Variants in OR10D3 observed in about 807,000 individuals in gnomAD.
OR10D3 encodes olfactory receptor 10D3.
For synonymous variants in OR10D3, 100 were observed against 57.6 expected (o/e 1.74, Z -3.33); for missense variants, 286 against 153.7 (o/e 1.86, Z -4.55).
At chr11:124,187,717 A>G (rs1462413542) in exon 2 of OR10D3, 1 of 152,174 alleles carries the variant, frequency 6.6e-6, no homozygotes, top group Non-Finnish European at 1.5e-5. Flanking sequence ...TGTCAAGTAT[A>G]TAATTGTCTT....
exon 2 of OR10D3, chr11:124,187,480 C>T (rs910322097): frequency 9.2e-5 from 14 of 152,148 alleles, no homozygotes; most frequent in African/African-American, 2.9e-4. Context: ...TTCCTGGATT[C>T]GTTGTATTAA....
At chr11:124,187,332 C>T (rs1387972700) in exon 2 of OR10D3, 2 of 152,176 alleles carry the variant, frequency 1.3e-5, no homozygotes, top group Non-Finnish European at 2.9e-5. Context: ...TTTATACTTA[C>T]ATTTGGCCTC....
chr11:124,187,699 C>T (rs1861240950), exon 2 of OR10D3: 1 of 152,184 alleles, frequency 6.6e-6, no homozygotes, highest in Admixed American at 6.5e-5. Flanking sequence ...TCTCTGTATC[C>T]TTGGAACTGT....
At chr11:124,186,114 T>G in exon 2 of OR10D3, 2 of 703,126 alleles carry the variant, frequency 2.8e-6, no homozygotes, top group Non-Finnish European at 5.2e-6. Context: ...GTAGGACCAA[T>G]GCTGAACCCT....
intron 1 of OR10D3, 173 bp from the exon 2 acceptor site, chr11:124,185,086 C>T (rs892675862): frequency 4.6e-5 from 26 of 567,668 alleles, no homozygotes; most frequent in Non-Finnish European, 6.9e-5. Context: ...TTGGCTATGG[C>T]GGTTACATTC....
intron 1 of OR10D3, chr11:124,184,360 T>A (rs1861195711): frequency 6.6e-6 from 1 of 152,188 alleles, no homozygotes; most frequent in Non-Finnish European, 1.5e-5. Context: ...AGTATAATCG[T>A]AAACACAAAA....
chr11:124,188,637 TCTCAAAGG>T (rs1431429358), exon 2 of OR10D3: 1 of 152,180 alleles, frequency 6.6e-6, no homozygotes, highest in Non-Finnish European at 1.5e-5. Flanking sequence ...CATAGAGACA[TCTCAAAGG>T]CTCTGTTATT....
exon 2 of OR10D3, chr11:124,187,411 G>A (rs369988790): frequency 6.6e-6 from 1 of 152,158 alleles, no homozygotes; most frequent in Non-Finnish European, 1.5e-5. Context: ...CTACACAGAA[G>A]CTTTGTGGAG....
At chr11:124,183,635 G>A (rs1861188879) in intron 1 of OR10D3, among the ~76,000 whole-genome samples, 1 of 137,156 alleles carries the variant, frequency 7.3e-6, no homozygotes, top group African/African-American at 2.7e-5. Flanking sequence ...TCAGCTCACT[G>A]CAACCTCCAC....
exon 2 of OR10D3, chr11:124,185,815 A>G (rs1425633309): frequency 7.1e-6 from 5 of 703,576 alleles, no homozygotes; most frequent in African/African-American, 7.0e-5. Context: ...GTGACATTCC[A>G]GCACTGTTGC....
chr11:124,186,293 A>G, exon 2 of OR10D3: 1 of 615,138 alleles, frequency 1.6e-6, no homozygotes, highest in Non-Finnish European at 2.9e-6. Context: ...CATATGTGAC[A>G]ATGACTTGGA....
At chr11:124,188,664 G>GA (rs1366078382) in exon 2 of OR10D3, 1 of 152,134 alleles carries the variant, frequency 6.6e-6, no homozygotes. Context: ...TTGGCCAAGG[G>GA]AAAATCTAAC....
intron 1 of OR10D3, among the ~76,000 whole-genome samples, chr11:124,184,069 T>C (rs1250788618): frequency 6.6e-6 from 1 of 152,218 alleles, no homozygotes; most frequent in Non-Finnish European, 1.5e-5. Flanking sequence ...GCACTTGTCT[T>C]GGGTCTGATT....
exon 2 of OR10D3, chr11:124,185,636 T>C (rs1425623884): frequency 2.8e-6 from 2 of 703,518 alleles, no homozygotes; most frequent in African/African-American, 1.7e-5. Flanking sequence ...CTATGACCGC[T>C]TCACTGCCAT....
exon 2 of OR10D3, chr11:124,187,734 C>G (rs1861242433): frequency 6.6e-6 from 1 of 152,168 alleles, no homozygotes; most frequent in Non-Finnish European, 1.5e-5. Context: ...TCTTAGTAGC[C>G]TCTTCACTCA....
At chr11:124,186,139 G>A (rs763293327) in exon 2 of OR10D3, 4 of 702,866 alleles carry the variant, frequency 5.7e-6, no homozygotes, top group Non-Finnish European at 1.0e-5. Context: ...TCTATACCTT[G>A]AGGAATAAGG....
chr11:124,184,716 A>AGG (rs1861199681), intron 1 of OR10D3, among the ~76,000 whole-genome samples: 1 of 152,232 alleles, frequency 6.6e-6, no homozygotes, highest in Non-Finnish European at 1.5e-5. Context: ...CTCCTCAAAA[A>AGG]GTGACTGCCA....
chr11:124,184,027 G>A (rs1413931312), intron 1 of OR10D3, among the ~76,000 whole-genome samples: 1 of 152,148 alleles, frequency 6.6e-6, no homozygotes, highest in Non-Finnish European at 1.5e-5. Flanking sequence ...TGACAGCCAG[G>A]ACATTTTTGG....
exon 2 of OR10D3, chr11:124,186,125 T>C (rs764314848): frequency 1.4e-6 from 1 of 703,048 alleles, no homozygotes; most frequent in South Asian, 1.5e-5. Flanking sequence ...GCTGAACCCT[T>C]TGATCTATAC....
Sources: gnomAD v4.1 joint callset for allele counts (sites outside exome capture counted in the v4.1 genomes callset) on GRCh38, gnomAD v4.1.1 for gene constraint, MANE v1.5 for transcripts, NCBI Gene and HGNC (gene_info 2026-07-23, HGNC 2026-07-21) for gene names.